The following MTOR variants were observed in gnomAD, a reference collection of about 807,000 sequenced individuals.
The protein encoded by MTOR is serine/threonine-protein kinase mTOR.
In MTOR, 70 loss-of-function variants were observed where a neutral mutation model predicts 319.8. That is an observed-to-expected ratio of 0.22 (90% CI 0.18 to 0.27). MTOR has a LOEUF of 0.27. Ranked by LOEUF, MTOR falls within the 10% of genes least tolerant of loss-of-function variation. MTOR has a pLI of 1.00. For missense variants in MTOR, 1,890 were observed against 3,274.4 expected (o/e 0.58, Z 10.32); for synonymous variants, 1,183 against 1,211.4 (o/e 0.98, Z 0.49).
chr1:11,225,885 A>G (rs1408273171), intron 19 of MTOR, among the ~76,000 whole-genome samples: 1 of 152,232 alleles, frequency 6.6e-6, no homozygotes, highest in East Asian at 1.9e-4. Flanking sequence ...GACAAAATGA[A>G]CAGCTTCCTA....
intron 28 of MTOR, chr1:11,189,473 G>A: frequency 7.5e-7 from 1 of 1,334,338 alleles, no homozygotes; most frequent in Admixed American, 2.3e-5. Flanking sequence ...GAGGCCCTCA[G>A]AGTGAAAGCG....
In MTOR at chr1:11,128,258, G is replaced by A. The variant is rs571487564; in HGVS notation, c.5911-132C>T. ...ATCTGCTTGAGACTACCAGGAAGGGGCTCAGTCTTCGAGGGAACGCTTTCT... is the reference window on the plus strand; with the variant it reads ...ATCTGCTTGAGACTACCAGGAAGGGACTCAGTCTTCGAGGGAACGCTTTCT... On this transcript the variant is annotated intron_variant, in intron 42 of 57. Transcript: ENST00000361445. The surrounding 1 kb of genome is among the most constrained non-coding windows in gnomAD (Gnocchi z 5.3). 11 of 1,387,978 alleles carry A rather than the reference G, an allele frequency of 7.9e-6. No individual in the cohort carries two copies. The highest frequency in any genetic ancestry group is 5.3e-5 in the South Asian group (4 of 75,284). The allele number at this position is 1,387,978 out of a possible 1,614,324, so 86.0% of individuals were successfully genotyped here. A position where few individuals can be genotyped will look rare whatever the true frequency, so the allele number is the denominator to read the frequency against.
chr1:11,132,329 A>G (rs1490459215), intron 38 of MTOR: 2 of 152,210 alleles, frequency 1.3e-5, no homozygotes, highest in African/African-American at 4.8e-5. Flanking sequence ...CAAAATGGAC[A>G]TTTTTCAAAC....
intron 6 of MTOR, 53 bp downstream of exon 6, chr1:11,253,786 C>T: frequency 9.3e-6 from 15 of 1,607,084 alleles, no homozygotes; most frequent in Non-Finnish European, 1.2e-5. Context: ...CCTTGCCTCG[C>T]TCACAGAATG....
chr1:11,164,606 G>C (rs1215728740), intron 29 of MTOR, among the ~76,000 whole-genome samples: 2 of 152,066 alleles, frequency 1.3e-5, no homozygotes, highest in African/African-American at 4.8e-5. Flanking sequence ...ATAATTAATA[G>C]CCTACCAAAC....
At position 11,193,583 on chromosome 1, in the gene MTOR, T is replaced by A. The variant is rs751301688; in HGVS notation, c.4253+5675A>T. On this transcript the variant is annotated intron_variant, in intron 28 of 57. Transcript: ENST00000361445. ...CAGAGTATCCCCTCTGCTTCAGGTG[T>A]TCTGTGACATGGAGACTTCAGGCGG... The A allele has an allele frequency of 3.3e-5, 52 of 1,585,476 alleles. No individual in the cohort carries two copies. The highest frequency in any genetic ancestry group is 4.4e-5 in the Non-Finnish European group (51 of 1,165,598).
At chr1:11,189,088 C>T (rs1645416862) in intron 28 of MTOR, among the ~76,000 whole-genome samples, 1 of 152,154 alleles carries the variant, frequency 6.6e-6, no homozygotes, top group Non-Finnish European at 1.5e-5. Flanking sequence ...GAGCCAGTGG[C>T]TGGCAGGGGC....
chr1:11,151,142 G>A (rs74052907), intron 30 of MTOR, among the ~76,000 whole-genome samples: 240 of 152,250 alleles, frequency 1.6e-3, no homozygotes, highest in African/African-American at 5.3e-3. Context: ...GTAGGAGGGC[G>A]GGGATAAAGA....
chr1:11,232,195 A>G (rs577161971), intron 16 of MTOR, among the ~76,000 whole-genome samples: 6 of 152,298 alleles, frequency 3.9e-5, no homozygotes, highest in African/African-American at 1.4e-4. Context: ...TTTCTTTTGT[A>G]TAGACAAAAT....
In MTOR at chr1:11,128,639, G is replaced by A. The variant is rs1642968204; in HGVS notation, c.5812-87C>T. ...AGGCAAAGATCAATTCTTTTAACTT[G>A]TTTCGGTTGATGCTCTGAAATGGTT... On this transcript the variant is annotated intron_variant, in intron 41 of 57. Transcript: ENST00000361445. This position sits in a 1 kb window ranked among gnomAD's most constrained non-coding sequence, Gnocchi z 5.3. The A allele has an allele frequency of 2.2e-6, 3 of 1,352,910 alleles. No individual in the cohort carries two copies. Among genetic ancestry groups the A allele is most frequent in the African/African-American group, 2.9e-5 (2 of 69,858 alleles). The allele number at this position is 1,352,910 out of a possible 1,614,324, so 83.8% of individuals were successfully genotyped here.
intron 34 of MTOR, among the ~76,000 whole-genome samples, chr1:11,141,956 G>A (rs1244802801): frequency 4.0e-5 from 6 of 151,568 alleles, no homozygotes; most frequent in Admixed American, 2.6e-4. Flanking sequence ...AGCCGAGATC[G>A]TGCCACTGCA....
In MTOR at chr1:11,144,841, C is replaced by A. The variant is rs138229490; in HGVS notation, c.4765-86G>T. 2,153 of 1,520,324 alleles carry A rather than the reference C, an allele frequency of 1.4e-3. 32 individuals carry two copies. In the African/African-American group the frequency reaches 0.026, roughly 19 times the overall value. The allele number at this position is 1,520,324 out of a possible 1,614,324, so 94.2% of individuals were successfully genotyped here. On this transcript the variant is annotated intron_variant, in intron 33 of 57. Coordinates refer to ENST00000361445, the MANE Select transcript of MTOR (RefSeq NM_004958.4). ...TAATTTAAATCATTCCTTCTGGTGT[C>A]AGGGTATCTGCCGATCAGAGAAAAC...
intron 30 of MTOR, among the ~76,000 whole-genome samples, chr1:11,151,174 A>G (rs1019071772): frequency 6.6e-6 from 1 of 152,148 alleles, no homozygotes; most frequent in Admixed American, 6.5e-5. Context: ...ATCCCTGCAG[A>G]AGGAATCTAG....
chr1:11,130,989 G>A (rs974767263), intron 38 of MTOR: 8 of 635,474 alleles, frequency 1.3e-5, no homozygotes, highest in Non-Finnish European at 2.1e-5. Flanking sequence ...AACGTACTAT[G>A]AGTGCACTGC....
chr1:11,259,389 G>T lies in MTOR; in HGVS notation c.21C>A (p.Ala7=). The part of the protein sequence containing the change: MLGTGP[A]AATTAATTSS... ...ATGTGGTGGCAGCGGTGGTGGCGGCGGCAGGTCCGGTTCCAAGCATCTTGC... is the reference window on the plus strand; with the variant it reads ...ATGTGGTGGCAGCGGTGGTGGCGGCTGCAGGTCCGGTTCCAAGCATCTTGC... The change falls in exon 2 of 58, where the codon GCC becomes GCA. Residue 7 remains alanine (A), a synonymous_variant. Transcript: ENST00000361445. 7 of 1,586,986 alleles carry T rather than the reference G, an allele frequency of 4.4e-6. No homozygotes were observed. The highest frequency in any genetic ancestry group is 6.0e-6 in the Non-Finnish European group (7 of 1,169,100).
intron 24 of MTOR, among the ~76,000 whole-genome samples, chr1:11,209,875 CT>C (rs555968436): frequency 9.2e-5 from 14 of 152,034 alleles, no homozygotes; most frequent in Non-Finnish European, 2.1e-4. Context: ...TATTTATTTA[CT>C]TATTTTTTTG....
intron 49 of MTOR, among the ~76,000 whole-genome samples, chr1:11,118,118 A>C (rs1421594823): frequency 6.6e-6 from 1 of 152,046 alleles, no homozygotes; most frequent in Non-Finnish European, 1.5e-5. Flanking sequence ...TTCAATAAAA[A>C]CAAAATCTTC....
intron 3 of MTOR, among the ~76,000 whole-genome samples, chr1:11,257,578 A>AG (rs1650584124): frequency 6.6e-6 from 1 of 150,848 alleles, no homozygotes; most frequent in South Asian, 2.1e-4. Context: ...AAAAAAAAAA[A>AG]AAAAAAAAAA....
intron 28 of MTOR, chr1:11,195,087 T>G: frequency 6.5e-7 from 1 of 1,538,308 alleles, no homozygotes; most frequent in Non-Finnish European, 8.9e-7. Flanking sequence ...TGAGGGCAGA[T>G]GAGGACAGGA....
Sources: gnomAD v4.1 joint callset for allele counts (sites outside exome capture counted in the v4.1 genomes callset) on GRCh38, gnomAD v4.1.1 for gene constraint, Gnocchi (gnomAD v3.1) non-coding constraint, MANE v1.5 for transcripts, NCBI Gene and HGNC (gene_info 2026-07-23, HGNC 2026-07-21) for gene names.